The following CACNA2D3 variants were observed in gnomAD, a reference collection of about 807,000 sequenced individuals.
CACNA2D3 encodes calcium voltage-gated channel auxiliary subunit alpha2delta 3, also known as voltage-dependent calcium channel subunit alpha-2/delta-3.
Under a neutral mutation model 160.6 loss-of-function variants are expected in CACNA2D3, and 60 were observed. That is an observed-to-expected ratio of 0.37 (90% CI 0.30 to 0.46). The LOEUF (loss-of-function observed/expected upper bound fraction) is 0.46. CACNA2D3 is among the 20% of genes least tolerant of loss of function. The pLI is 1.00. For missense variants in CACNA2D3, 1,205 were observed against 1,365.0 expected (o/e 0.88, Z 1.85); for synonymous variants, 558 against 492.9 (o/e 1.13, Z -1.75).
intron 35 of CACNA2D3, among the ~76,000 whole-genome samples, chr3:55,018,866 T>G (rs1703385830): frequency 6.6e-6 from 1 of 152,022 alleles, no homozygotes; most frequent in African/African-American, 2.4e-5. Flanking sequence ...GTGTTCTTTC[T>G]CTTTCGGATA....
intron 4 of CACNA2D3, among the ~76,000 whole-genome samples, chr3:54,454,685 C>G (rs139872524): frequency 6.0e-4 from 91 of 152,090 alleles, no homozygotes; most frequent in African/African-American, 2.1e-3. Context: ...TGCTATGAAA[C>G]ATTAGAACTT....
chr3:54,636,546 A>G (rs1431835555), intron 10 of CACNA2D3, among the ~76,000 whole-genome samples: 2 of 152,022 alleles, frequency 1.3e-5, no homozygotes, highest in African/African-American at 4.8e-5. Flanking sequence ...TAGGGCCTCT[A>G]AAAGTATTAA....
chr3:54,357,979 C>G (rs1698678388), intron 3 of CACNA2D3, among the ~76,000 whole-genome samples: 1 of 152,206 alleles, frequency 6.6e-6, no homozygotes, highest in African/African-American at 2.4e-5. Context: ...TTGTATGATA[C>G]TGTAATGTTG....
At chr3:54,759,851 G>A (rs1035348104) in intron 12 of CACNA2D3, among the ~76,000 whole-genome samples, 1 of 152,222 alleles carries the variant, frequency 6.6e-6, no homozygotes, top group African/African-American at 2.4e-5. Context: ...CAGTGGTTCA[G>A]AGCAAAGGCT....
chr3:54,657,153 G>A (rs746903328), intron 11 of CACNA2D3, among the ~76,000 whole-genome samples: 6 of 152,246 alleles, frequency 3.9e-5, no homozygotes, highest in South Asian at 2.1e-4. Flanking sequence ...AATTTCACAA[G>A]ACAATGTCTT....
At chr3:54,330,208 ATATGTGTGTG>A (rs1233302766) in intron 3 of CACNA2D3, among the ~76,000 whole-genome samples, 10 of 103,598 alleles carry the variant, frequency 9.7e-5, no homozygotes, top group East Asian at 5.4e-4. Flanking sequence ...TTTTTAATTG[ATATGTGTGTG>A]TGTGTGTGTG....
At chr3:54,641,555 C>A (rs1332591861) in intron 10 of CACNA2D3, among the ~76,000 whole-genome samples, 4 of 152,178 alleles carry the variant, frequency 2.6e-5, no homozygotes, top group African/African-American at 9.7e-5. Flanking sequence ...GAAGGAAATT[C>A]TCTAGCGAAT....
chr3:54,202,060 G>A (rs1222472784), intron 2 of CACNA2D3, among the ~76,000 whole-genome samples: 1 of 152,132 alleles, frequency 6.6e-6, no homozygotes, highest in Non-Finnish European at 1.5e-5. Flanking sequence ...CAATATTTGG[G>A]ACATACTCTT....
chr3:54,474,654 AAG>A (rs150294820), intron 4 of CACNA2D3, among the ~76,000 whole-genome samples: 3,034 of 152,156 alleles, frequency 0.02, 76 homozygotes, highest in East Asian at 0.1. Flanking sequence ...AGGAAAGATT[AAG>A]AGAGAGAGAA....
At chr3:54,873,589 T>C (rs1298197769) in intron 18 of CACNA2D3, among the ~76,000 whole-genome samples, 3 of 152,172 alleles carry the variant, frequency 2.0e-5, no homozygotes, top group African/African-American at 7.2e-5. Context: ...TCGTTGGAGC[T>C]GCAGGCATTG....
At chr3:54,320,668 T>G in intron 3 of CACNA2D3, 110 bp downstream of exon 3, 1 of 558,306 alleles carries the variant, frequency 1.8e-6, no homozygotes, top group East Asian at 3.2e-5. Context: ...CACGCATCTA[T>G]TACGTAAATA....
At chr3:54,717,889 G>A (rs1429282047) in intron 11 of CACNA2D3, among the ~76,000 whole-genome samples, 2 of 151,246 alleles carry the variant, frequency 1.3e-5, no homozygotes, top group Admixed American at 6.6e-5. Context: ...GTGTGTGTGC[G>A]TGTGTGTGTT....
intron 4 of CACNA2D3, among the ~76,000 whole-genome samples, chr3:54,475,110 A>C (rs1267100528): frequency 3.9e-5 from 6 of 152,220 alleles, no homozygotes; most frequent in Non-Finnish European, 8.8e-5. Flanking sequence ...GGATGAATGA[A>C]GCAACTTAGG....
At chr3:54,905,148 A>T (rs940980957) in intron 27 of CACNA2D3, among the ~76,000 whole-genome samples, 1 of 152,186 alleles carries the variant, frequency 6.6e-6, no homozygotes, top group Non-Finnish European at 1.5e-5. Context: ...AAATTCAATG[A>T]ATTTTAGTAA....
At chr3:54,564,361 T>C (rs1386736440) in intron 6 of CACNA2D3, among the ~76,000 whole-genome samples, 1 of 152,244 alleles carries the variant, frequency 6.6e-6, no homozygotes, top group Non-Finnish European at 1.5e-5. Flanking sequence ...GGTTCAGCCA[T>C]GCTTACTGTT....
At chr3:54,457,613 T>C (rs535176516) in intron 4 of CACNA2D3, among the ~76,000 whole-genome samples, 1 of 152,148 alleles carries the variant, frequency 6.6e-6, no homozygotes, top group South Asian at 2.1e-4. Flanking sequence ...TTTTTATTGA[T>C]TTTCTGTATA....
intron 8 of CACNA2D3, among the ~76,000 whole-genome samples, chr3:54,578,790 A>G (rs898357964): frequency 4.6e-5 from 7 of 152,196 alleles, no homozygotes; most frequent in African/African-American, 1.7e-4. Flanking sequence ...TACCTCCCTG[A>G]TGAGGGCAAG....
intron 2 of CACNA2D3, among the ~76,000 whole-genome samples, chr3:54,160,790 C>G (rs923518689): frequency 1.3e-5 from 2 of 152,180 alleles, no homozygotes; most frequent in African/African-American, 4.8e-5. Context: ...GGAAGACACT[C>G]ATTAACCAAT....
intron 2 of CACNA2D3, among the ~76,000 whole-genome samples, chr3:54,208,805 TAGTC>T (rs1334550105): frequency 6.6e-6 from 1 of 152,138 alleles, no homozygotes; most frequent in African/African-American, 2.4e-5. Context: ...GGAGGTATAT[TAGTC>T]AGTTTTCATG....
Sources: allele counts gnomAD v4.1 joint callset (sites outside exome capture counted in the v4.1 genomes callset), GRCh38; gene constraint gnomAD v4.1.1; transcripts MANE v1.5; gene names NCBI Gene and HGNC (gene_info 2026-07-23, HGNC 2026-07-21).